PLEKHA2: variants seen among roughly 807,000 people sequenced by gnomAD.
PLEKHA2 encodes the protein pleckstrin homology domain containing A2.
Under a neutral mutation model 53.2 loss-of-function variants are expected in PLEKHA2, and 28 were observed. The observed-to-expected ratio is 0.53, with a 90% CI of 0.39 to 0.72. The LOEUF (loss-of-function observed/expected upper bound fraction) is 0.72. PLEKHA2 is among the 30% of genes least tolerant of loss of function. The pLI, the probability that PLEKHA2 is intolerant of heterozygous loss-of-function variation, is 0.00. For synonymous variants in PLEKHA2, 193 were observed against 196.4 expected (o/e 0.98, Z 0.14); for missense variants, 426 against 537.9 (o/e 0.79, Z 2.06).
chr8:38,913,370 G>GAAA (rs35218067), intron 1 of PLEKHA2, among the ~76,000 whole-genome samples: 4 of 134,402 alleles, frequency 3.0e-5, no homozygotes, highest in East Asian at 2.2e-4. Flanking sequence ...TCTCAAAAAG[G>GAAA]AAAAAAAAAA....
intron 1 of PLEKHA2, among the ~76,000 whole-genome samples, chr8:38,904,791 C>G (rs114449628): frequency 9.5e-4 from 144 of 152,258 alleles, no homozygotes; most frequent in African/African-American, 3.4e-3. Flanking sequence ...GATGGAGGTG[C>G]GCATGCAGCA....
chr8:38,966,084 A>T (rs1835129001), intron 10 of PLEKHA2, among the ~76,000 whole-genome samples: 1 of 152,176 alleles, frequency 6.6e-6, no homozygotes, highest in Admixed American at 6.5e-5. Flanking sequence ...GTAAGTTTGC[A>T]GGCAGAGCAC....
At chr8:38,932,755 C>T (rs1000526216) in intron 2 of PLEKHA2, among the ~76,000 whole-genome samples, 4 of 152,250 alleles carry the variant, frequency 2.6e-5, no homozygotes, top group Admixed American at 2.0e-4. Context: ...GGGCTGTTTT[C>T]TCCCATGTCT....
At chr8:38,902,092 C>A (rs77741182) in intron 1 of PLEKHA2, 21,908 of 152,210 alleles carry the variant, frequency 0.14, 2,097 homozygotes, top group East Asian at 0.32. Flanking sequence ...GTTGGGTGAG[C>A]CCTCGAGGGG....
At chr8:38,951,074 C>G in intron 6 of PLEKHA2, 84 bp downstream of exon 6, 1 of 661,774 alleles carries the variant, frequency 1.5e-6, no homozygotes, top group Non-Finnish European at 2.0e-6. Context: ...GAGCACTGTA[C>G]TGGGGAAAAG....
chr8:38,915,299 G>A (rs1257561794), intron 1 of PLEKHA2, among the ~76,000 whole-genome samples: 1 of 152,168 alleles, frequency 6.6e-6, no homozygotes, highest in African/African-American at 2.4e-5. Flanking sequence ...AACCGTATTA[G>A]GCTGCTCAGG....
At chr8:38,943,365 A>C (rs896776372) in intron 3 of PLEKHA2, among the ~76,000 whole-genome samples, 1 of 151,964 alleles carries the variant, frequency 6.6e-6, no homozygotes, top group Non-Finnish European at 1.5e-5. Flanking sequence ...AGGGGCATTT[A>C]AAAAAAATTA....
At chr8:38,906,929 CT>C (rs1391889207) in intron 1 of PLEKHA2, among the ~76,000 whole-genome samples, 1 of 152,162 alleles carries the variant, frequency 6.6e-6, no homozygotes, top group African/African-American at 2.4e-5. Context: ...ATCTCTATAC[CT>C]CAGTTCCTGT....
chr8:38,948,450 G>A (rs1377476692), intron 5 of PLEKHA2, among the ~76,000 whole-genome samples: 2 of 152,310 alleles, frequency 1.3e-5, no homozygotes, highest in African/African-American at 4.8e-5. Flanking sequence ...ACTGAATGGT[G>A]GCCCAGAGAA....
chr8:38,910,939 G>A (rs1833944883), intron 1 of PLEKHA2, among the ~76,000 whole-genome samples: 1 of 152,192 alleles, frequency 6.6e-6, no homozygotes. Context: ...ATAGGGACAT[G>A]AAAAAGCATG....
chr8:38,955,487 G>A (rs1354513437), intron 9 of PLEKHA2, among the ~76,000 whole-genome samples: 1 of 152,136 alleles, frequency 6.6e-6, no homozygotes, highest in Non-Finnish European at 1.5e-5. Flanking sequence ...GTAGTGACCA[G>A]CCTGATCAAG....
intron 5 of PLEKHA2, among the ~76,000 whole-genome samples, chr8:38,949,784 AC>A (rs1352072045): frequency 5.3e-5 from 8 of 152,262 alleles, no homozygotes; most frequent in African/African-American, 1.9e-4. Context: ...TCATTTGATA[AC>A]CACAACGATG....
chr8:38,933,482 A>T (rs1426089772), intron 2 of PLEKHA2, among the ~76,000 whole-genome samples: 2 of 152,150 alleles, frequency 1.3e-5, no homozygotes, highest in African/African-American at 2.4e-5. Context: ...GCCACCAATT[A>T]TGTGACCTTG....
chr8:38,907,697 GCTGC>G (rs1177556885), intron 1 of PLEKHA2, among the ~76,000 whole-genome samples: 1 of 150,942 alleles, frequency 6.6e-6, no homozygotes, highest in Admixed American at 6.6e-5. Context: ...GGAGGTGGAG[GCTGC>G]ATTGAGCCAT....
At chr8:38,937,942 TG>T (rs758911802) in intron 3 of PLEKHA2, among the ~76,000 whole-genome samples, 19 of 152,352 alleles carry the variant, frequency 1.2e-4, no homozygotes, top group Middle Eastern at 3.4e-3. Context: ...TGCTGTCTGC[TG>T]AGGGCCAGTG....
At chr8:38,928,538 C>T (rs73615965) in intron 2 of PLEKHA2, among the ~76,000 whole-genome samples, 1,640 of 151,966 alleles carry the variant, frequency 0.011, 28 homozygotes, top group African/African-American at 0.037. Flanking sequence ...CATGAATCAC[C>T]GCGCCCGGCC....
At chr8:38,920,944 G>T (rs895640327) in intron 2 of PLEKHA2, among the ~76,000 whole-genome samples, 1 of 152,090 alleles carries the variant, frequency 6.6e-6, no homozygotes, top group African/African-American at 2.4e-5. Flanking sequence ...GGGATTACAG[G>T]CGTCAGCCAC....
At chr8:38,902,920 C>G (rs1201863020) in intron 1 of PLEKHA2, among the ~76,000 whole-genome samples, 1 of 152,224 alleles carries the variant, frequency 6.6e-6, no homozygotes, top group Non-Finnish European at 1.5e-5. Flanking sequence ...TCATCATCAT[C>G]TCAGACATTA....
intron 1 of PLEKHA2, among the ~76,000 whole-genome samples, chr8:38,902,745 G>T (rs1033393919): frequency 2.0e-5 from 3 of 152,128 alleles, no homozygotes; most frequent in Non-Finnish European, 4.4e-5. Flanking sequence ...GCATTCAGTT[G>T]ACATGTATTA....
Sources: gnomAD v4.1 joint callset for allele counts (sites outside exome capture counted in the v4.1 genomes callset) on GRCh38, gnomAD v4.1.1 for gene constraint, MANE v1.5 for transcripts, NCBI Gene and HGNC (gene_info 2026-07-23, HGNC 2026-07-21) for gene names.